ADGRV1: variants seen among roughly 807,000 people sequenced by gnomAD.
ADGRV1 encodes adhesion G protein-coupled receptor V1.
A neutral mutation model predicts 596.2 loss-of-function variants in ADGRV1; 359 were observed. The observed-to-expected ratio is 0.60, with a 90% confidence interval of 0.55 to 0.66. The LOEUF is 0.66. Ranked by LOEUF, ADGRV1 falls within the 30% of genes least tolerant of loss-of-function variation. The probability of loss-of-function intolerance (pLI) is 0.00; values close to 1 mark genes in which losing one functional copy is unlikely to be tolerated. For synonymous variants in ADGRV1, 2,681 were observed against 2,679.2 expected, an observed-to-expected ratio of 1.00 and a Z score of -0.02; for missense variants, 7,274 against 7,575.6, an observed-to-expected ratio of 0.96 and a Z score of 1.48.
chr5:90,681,336 A>T lies in ADGRV1; in HGVS notation c.5546A>T (p.Gln1849Leu). Reference protein sequence around the residue: ...HKRASLGVASQILVTIAASDH... With the variant: ...HKRASLGVASLILVTIAASDH... ...GCAGCCAGTCTAGGAGTGGCTTCCC[A>T]AATTCTAGTGACAATTGCAGCCTCT... Residue 1849 changes from glutamine to leucine, a missense_variant, in exon 27 of 90, where the codon CAA becomes CTA. By Grantham distance (113) the Gln-to-Leu change is moderately radical (BLOSUM62 -2). Coordinates refer to ENST00000405460, the MANE Select transcript of ADGRV1 (RefSeq NM_032119.4). 6.2e-7 allele frequency: 1 copy of T among 1,613,660 alleles called. No homozygotes were observed. Among genetic ancestry groups the T allele is most frequent in the Non-Finnish European group, 8.5e-7 (1 of 1,179,762 alleles).
At chr5:90,587,425 C>G (rs1758900052) in intron 1 of ADGRV1, among the ~76,000 whole-genome samples, 1 of 151,920 alleles carries the variant, frequency 6.6e-6, no homozygotes, top group Admixed American at 6.6e-5. Flanking sequence ...GTGGACAGAG[C>G]CAGGAAATAT....
chr5:90,707,324 G>A (rs1748731517), intron 38 of ADGRV1, among the ~76,000 whole-genome samples: 1 of 152,170 alleles, frequency 6.6e-6, no homozygotes, highest in Non-Finnish European at 1.5e-5. Flanking sequence ...AGGAGATAGT[G>A]TGTAGGATAG....
At chr5:90,989,541 T>C (rs886381974) in intron 85 of ADGRV1, among the ~76,000 whole-genome samples, 1 of 151,414 alleles carries the variant, frequency 6.6e-6, no homozygotes, top group Non-Finnish European at 1.5e-5. Context: ...TTCTGTCTTC[T>C]TTGGTATGTT....
intron 86 of ADGRV1, among the ~76,000 whole-genome samples, chr5:91,076,777 A>G (rs1025770923): frequency 1.3e-5 from 2 of 152,158 alleles, no homozygotes; most frequent in African/African-American, 4.8e-5. Flanking sequence ...TTTATATTCA[A>G]CATACTATAA....
At chr5:91,128,125 T>A (rs375920600) in intron 87 of ADGRV1, among the ~76,000 whole-genome samples, 1 of 151,704 alleles carries the variant, frequency 6.6e-6, no homozygotes, top group East Asian at 2.0e-4. Flanking sequence ...CCTAGCTTTC[T>A]GCTTGTCTTT....
chr5:90,732,852 T>C (rs1387524351), intron 50 of ADGRV1, among the ~76,000 whole-genome samples: 1 of 152,234 alleles, frequency 6.6e-6, no homozygotes, highest in Non-Finnish European at 1.5e-5. Context: ...ACAGCATTAT[T>C]TTCATTTTAT....
chr5:90,682,970 G>A (rs1384857757), intron 27 of ADGRV1, among the ~76,000 whole-genome samples: 1 of 152,118 alleles, frequency 6.6e-6, no homozygotes. Flanking sequence ...TTTAAAATGA[G>A]TTTTACAGAT....
At chr5:90,581,064 T>C (rs913325419) in intron 1 of ADGRV1, among the ~76,000 whole-genome samples, 5 of 152,240 alleles carry the variant, frequency 3.3e-5, no homozygotes, top group African/African-American at 7.2e-5. Flanking sequence ...AGCTTGTGCA[T>C]GCGTCACGAA....
At chr5:90,599,896 C>G (rs1761192788) in intron 1 of ADGRV1, among the ~76,000 whole-genome samples, 1 of 152,168 alleles carries the variant, frequency 6.6e-6, no homozygotes, top group African/African-American at 2.4e-5. Context: ...AGAGCATGTT[C>G]AGGTATTTTG....
chr5:90,779,246 G>T, intron 64 of ADGRV1, 149 bp downstream of exon 64: 2 of 449,128 alleles, frequency 4.5e-6, no homozygotes, highest in South Asian at 7.4e-5. Context: ...GGACATACAA[G>T]GGAAATTATG....
At chr5:91,066,126 A>G (rs368628118) in intron 85 of ADGRV1, among the ~76,000 whole-genome samples, 3 of 152,318 alleles carry the variant, frequency 2.0e-5, no homozygotes, top group East Asian at 1.9e-4. Flanking sequence ...TTCTCTTCTC[A>G]TATCTGCCAG....
intron 21 of ADGRV1, among the ~76,000 whole-genome samples, chr5:90,666,267 T>C (rs1314434408): frequency 6.6e-6 from 1 of 152,078 alleles, no homozygotes; most frequent in African/African-American, 2.4e-5. Context: ...TTGTAGGTCA[T>C]TCAGGACTTG....
At chr5:90,676,588 G>A (rs1744247879) in intron 25 of ADGRV1, among the ~76,000 whole-genome samples, 1 of 152,102 alleles carries the variant, frequency 6.6e-6, no homozygotes, top group African/African-American at 2.4e-5. Flanking sequence ...TTTATTATAT[G>A]GACAGCATGT....
rs1159382929 is a variant in ADGRV1, at chr5:90,617,848, A to T, written c.252A>T (p.Ala84=). Residue 84 remains alanine (A), a synonymous_variant, in exon 3 of 90, where the codon GCA becomes GCT. Coordinates refer to ENST00000405460, the MANE Select transcript of ADGRV1 (RefSeq NM_032119.4). ...GTGACTTTTTTGACACATATGCTGCAGCTTTTATACCTGCCGGAGAAACAA... is the reference window on the plus strand; with the variant it reads ...GTGACTTTTTTGACACATATGCTGCTGCTTTTATACCTGCCGGAGAAACAA... ...DAGDFFDTYA[A]AFIPAGETNR... 10 of 1,600,726 alleles carry T rather than the reference A, an allele frequency of 6.2e-6. No individual in the cohort carries two copies. The highest frequency in any genetic ancestry group is 8.5e-6 in the Non-Finnish European group (10 of 1,172,820).
intron 1 of ADGRV1, among the ~76,000 whole-genome samples, chr5:90,609,650 C>T (rs1050525436): frequency 6.6e-6 from 1 of 151,862 alleles, no homozygotes; most frequent in Non-Finnish European, 1.5e-5. Flanking sequence ...TAGAATGCCC[C>T]TTAGTAGATG....
rs1772922533 is a variant in ADGRV1, at chr5:90,674,296, A to C, written c.5110+62A>C. 2.9e-6 allele frequency: 4 copies of C among 1,361,720 alleles called. No individual in the cohort carries two copies. In the East Asian group the frequency reaches 9.9e-5, roughly 34 times the overall value. The allele number at this position is 1,361,720 out of a possible 1,614,324, so 84.4% of individuals were successfully genotyped here. A position where few individuals can be genotyped will look rare whatever the true frequency, so the allele number is the denominator to read the frequency against. Reference sequence around the variant, plus strand: ...TCTGGGTGTACTTAGTTTTGTTAAGAACTTCTTAAGGCACTTTTTGCAAAT... The same window carrying C: ...TCTGGGTGTACTTAGTTTTGTTAAGCACTTCTTAAGGCACTTTTTGCAAAT... On this transcript the variant is annotated intron_variant, in intron 23 of 89. Coordinates refer to ENST00000405460, the MANE Select transcript of ADGRV1 (RefSeq NM_032119.4).
intron 86 of ADGRV1, among the ~76,000 whole-genome samples, chr5:91,082,634 G>A (rs949757381): frequency 6.6e-6 from 1 of 152,120 alleles, no homozygotes; most frequent in African/African-American, 2.4e-5. Context: ...TTTGTATTCA[G>A]AAATAGTATG....
Position 90,614,720 on chromosome 5 carries a change from T to A in ADGRV1, c.23-115T>A, listed in dbSNP as rs1763136551. The A allele has an allele frequency of 3.8e-6, 3 of 793,022 alleles. No individual in the cohort carries two copies. In the South Asian group the frequency reaches 4.4e-5, roughly 12 times the overall value. The allele number at this position is 793,022 out of a possible 1,614,324, so 49.1% of individuals were successfully genotyped here. A position where few individuals can be genotyped will look rare whatever the true frequency, so the allele number is the denominator to read the frequency against. ...TGGCTTAATAGTAGATGTATTTATG[T>A]CTTAGTTGTTTGCTGTCTAACTCTT... is the stretch of plus-strand genomic sequence containing the variant. On this transcript the variant is annotated intron_variant, in intron 1 of 89. Transcript: ENST00000405460.
rs1342669335 is a variant in ADGRV1, at chr5:90,820,673, G to A, written c.16197-2752G>A. Among the ~76,000 whole-genome samples the A allele has an allele frequency of 1.1e-3, 170 of 149,788 alleles. 1 individual carries two copies. Among genetic ancestry groups the A allele is most frequent in the African/African-American group, 4.0e-3 (162 of 40,948 alleles). ...AGTATTTTATTTCTCCTTCACTTAT[G>A]AAGCTTAGTTTGGCTGGATATGAAA... is the stretch of plus-strand genomic sequence containing the variant. On this transcript the variant is annotated intron_variant, in intron 75 of 89. Coordinates refer to ENST00000405460, the MANE Select transcript of ADGRV1 (RefSeq NM_032119.4).
Sources: gnomAD v4.1 joint callset for allele counts (sites outside exome capture counted in the v4.1 genomes callset) on GRCh38, gnomAD v4.1.1 for gene constraint, MANE v1.5 for transcripts, NCBI Gene and HGNC (gene_info 2026-07-23, HGNC 2026-07-21) for gene names.